IFITM5: variants seen among roughly 807,000 people sequenced by gnomAD.
The protein encoded by IFITM5 is interferon induced transmembrane protein 5.
Under a neutral mutation model 9.2 loss-of-function variants are expected in IFITM5, and 10 were observed. The ratio of observed to expected loss-of-function variants is 1.09; its 90% CI spans 0.67 to 1.85. IFITM5 has a LOEUF of 1.85. IFITM5 is among the 40% of genes most tolerant of loss of function. The pLI is 0.00. For synonymous variants in IFITM5, 93 were observed against 86.6 expected (o/e 1.07, Z -0.41); for missense variants, 225 against 182.6 (o/e 1.23, Z -1.34).
Position 298,531 on chromosome 11 carries a change from G to A in IFITM5, c.369C>T (p.Ser123=). 3 of 1,612,324 alleles carry A rather than the reference G, an allele frequency of 1.9e-6. No homozygotes were observed. Among genetic ancestry groups the A allele is most frequent in the Non-Finnish European group, 2.5e-6 (3 of 1,179,898 alleles). ...RLAKDSAAFF[S]TKFDDADYD ...CATAGTCCGCGTCATCAAACTTGGT[G>A]CTGAAGAAGGCGGCAGAGTCCTTGG... is the stretch of plus-strand genomic sequence containing the variant. The change falls in exon 2 of 2, where the codon AGC becomes AGT. Residue 123 remains serine, a synonymous_variant. Transcript: ENST00000382614.
At position 298,510 on chromosome 11, in the gene IFITM5, G is replaced by A. The variant is rs1845890384; in HGVS notation, c.390C>T (p.Asp130=). 1 of 1,610,984 alleles carries A rather than the reference G, an allele frequency of 6.2e-7. No individual in the cohort carries two copies. Among genetic ancestry groups the A allele is most frequent in the African/African-American group, 1.3e-5 (1 of 74,858 alleles). ...ATCAGGACCCAGCCTGTCAGTCATA[G>A]TCCGCGTCATCAAACTTGGTGCTGA... The part of the protein sequence containing the change: ...AFFSTKFDDA[D]YD The change falls in exon 2 of 2, where the codon GAC becomes GAT. Residue 130 remains aspartate, a synonymous_variant. Transcript: ENST00000382614.
At position 299,295 on chromosome 11, in the gene IFITM5, C is replaced by T. The variant is rs1285047087; in HGVS notation, c.186+10G>A. On this transcript the variant is annotated intron_variant, in intron 1 of 1. Coordinates refer to ENST00000382614, the MANE Select transcript of IFITM5 (RefSeq NM_001025295.3). ...GCCTCCCCCGCAACCTCGGTAGGGC[C>T]CCTGCCCACCTTGATGGAGTAGGCC... 7 of 1,579,542 alleles carry T rather than the reference C, an allele frequency of 4.4e-6. No homozygotes were observed. Among genetic ancestry groups the T allele is most frequent in the Non-Finnish European group, 6.0e-6 (7 of 1,163,668 alleles).
At position 298,651 on chromosome 11, in the gene IFITM5, C is replaced by A; in HGVS notation, c.249G>T (p.Lys83Asn). 1 of 1,613,660 alleles carries A rather than the reference C, an allele frequency of 6.2e-7. No homozygotes were observed. The highest frequency in any genetic ancestry group is 8.5e-7 in the Non-Finnish European group (1 of 1,180,000). The change falls in exon 2 of 2, where the codon AAG (lysine) becomes AAT (asparagine). Residue 83 changes from lysine (K) to asparagine (N), a missense_variant. Transcript: ENST00000382614. ...EAARRFGSKA[K>N]CYNILAAMWT... ...ACATCGCGGCCAGGATGTTGTAGCACTTGGCTTTGGAGCCAAAACGCCGGG... is the reference window on the plus strand; with the variant it reads ...ACATCGCGGCCAGGATGTTGTAGCAATTGGCTTTGGAGCCAAAACGCCGGG...
chr11:299,287 G>T lies in IFITM5; in HGVS notation c.186+18C>A. 1 of 1,553,792 alleles carries T rather than the reference G, an allele frequency of 6.4e-7. No homozygotes were observed. Among genetic ancestry groups the T allele is most frequent in the East Asian group, 2.5e-5 (1 of 40,650 alleles). On this transcript the variant is annotated intron_variant, in intron 1 of 1. Coordinates refer to ENST00000382614, the MANE Select transcript of IFITM5 (RefSeq NM_001025295.3). ...GTAGTGGAGCCTCCCCCGCAACCTC[G>T]GTAGGGCCCCTGCCCACCTTGATGG... is the stretch of plus-strand genomic sequence containing the variant.
rs1202397723 is a variant in IFITM5 at position 299,434 on chromosome 11, AC to A, written c.56del (p.Gly19ValfsTer19). ...CCCCCAGTGTGAGGGCTGTGTGGGC[AC>A]CGGCCTTGCTGGGCGTGGGGGCCCG... ...DTRAPTPSKAGAHTALTLGAP... is the reference protein window; with the variant it reads ...DTRAPTPSKAXAHTALTLGAP... On this transcript the variant is annotated frameshift_variant, in exon 1 of 2. Coordinates refer to ENST00000382614, the MANE Select transcript of IFITM5 (RefSeq NM_001025295.3). LOFTEE classifies it high-confidence loss of function. 1 of 1,540,116 alleles carries A rather than the reference AC, an allele frequency of 6.5e-7. No homozygotes were observed. Among genetic ancestry groups the A allele is most frequent in the Admixed American group, 2.1e-5 (1 of 48,668 alleles).
Position 298,728 on chromosome 11 carries a change from G to T in IFITM5, c.187-15C>A. On this transcript the variant is annotated splice_polypyrimidine_tract_variant and intron_variant, in intron 1 of 1. Coordinates refer to ENST00000382614, the MANE Select transcript of IFITM5 (RefSeq NM_001025295.3). Reference sequence around the variant, plus strand: ...TGATCTCGGGCCTGCAGAGAGACCAGACCACAGGGCCAGATCTCTATGTGT... The same window carrying T: ...TGATCTCGGGCCTGCAGAGAGACCATACCACAGGGCCAGATCTCTATGTGT... The T allele has an allele frequency of 6.2e-7, 1 of 1,610,956 alleles. No individual in the cohort carries two copies. Among genetic ancestry groups the T allele is most frequent in the Non-Finnish European group, 8.5e-7 (1 of 1,178,512 alleles).
chr11:298,765 G>T, intron 1 of IFITM5, 52 bp from the exon 2 acceptor site: 1 of 1,526,622 alleles, frequency 6.6e-7, no homozygotes, highest in South Asian at 1.2e-5. Flanking sequence ...CTCGGGGCCT[G>T]GGGGCCCTTC....
chr11:299,021 C>T (rs1461717624), intron 1 of IFITM5, among the ~76,000 whole-genome samples: 1 of 152,104 alleles, frequency 6.6e-6, no homozygotes, highest in Non-Finnish European at 1.5e-5. Flanking sequence ...CATGTGAACC[C>T]CCTCTTGATT....
chr11:298,409 G>T lies in IFITM5; in HGVS notation c.*92C>A. The stretch of plus-strand genomic sequence containing the variant: ...AGGGATGGAGGCCCCACAGAAGGAG[G>T]GCCAGGCTCCGGGGAGTCAGTATTG... On this transcript the variant is annotated 3_prime_UTR_variant, in exon 2 of 2. Coordinates refer to ENST00000382614, the MANE Select transcript of IFITM5 (RefSeq NM_001025295.3). The T allele has an allele frequency of 7.3e-7, 1 of 1,372,168 alleles. No individual in the cohort carries two copies. Among genetic ancestry groups the T allele is most frequent in the Non-Finnish European group, 1.0e-6 (1 of 1,003,388 alleles). The allele number at this position is 1,372,168 out of a possible 1,614,324, so 85.0% of individuals were successfully genotyped here.
intron 1 of IFITM5, 140 bp from the exon 2 acceptor site, chr11:298,853 C>T: frequency 2.4e-6 from 2 of 835,784 alleles, no homozygotes; most frequent in Non-Finnish European, 3.7e-6. Flanking sequence ...TGAGGAGATA[C>T]TCCTTGGGGC....
rs369353788 is a variant in IFITM5 at position 298,602 on chromosome 11, G to A, written c.298C>T (p.Leu100Phe). The A allele has an allele frequency of 3.6e-5, 58 of 1,613,400 alleles. No homozygotes were observed. The highest frequency in any genetic ancestry group is 4.6e-5 in the Non-Finnish European group (54 of 1,180,008). Residue 100 changes from leucine to phenylalanine, a missense_variant, in exon 2 of 2, where the codon CTC becomes TTC. Transcript: ENST00000382614. Reference protein sequence around the residue: ...AMWTLVPPLLLLGLVVTGALH... With the variant: ...AMWTLVPPLLFLGLVVTGALH... Reference sequence around the variant, plus strand: ...GCACCAGTCACCACCAGCCCCAGGAGCAGCAGTGGCGGCACCAGCGTCCAC... The same window carrying A: ...GCACCAGTCACCACCAGCCCCAGGAACAGCAGTGGCGGCACCAGCGTCCAC...
Position 298,573 on chromosome 11 carries a change from C to G in IFITM5, c.327G>C (p.Leu109=), listed in dbSNP as rs1278994515. 2 of 1,613,360 alleles carry G rather than the reference C, an allele frequency of 1.2e-6. No homozygotes were observed. The highest frequency in any genetic ancestry group is 1.7e-6 in the Non-Finnish European group (2 of 1,180,006). The change falls in exon 2 of 2, where the codon CTG becomes CTC. Residue 109 remains leucine (L), a synonymous_variant. Transcript: ENST00000382614. ...LLLGLVVTGA[L]HLARLAKDSA... ...AGTCCTTGGCCAGCCGGGCCAGGTG[C>G]AGGGCACCAGTCACCACCAGCCCCA...
chr11:298,770 C>T, intron 1 of IFITM5, 57 bp from the exon 2 acceptor site: 1 of 1,500,426 alleles, frequency 6.7e-7, no homozygotes, highest in Non-Finnish European at 9.1e-7. Context: ...GGCCTGGGGG[C>T]CCTTCCCCAC....
chr11:299,247 C>T (rs1181060765), intron 1 of IFITM5, 58 bp downstream of exon 1: 2 of 1,403,728 alleles, frequency 1.4e-6, no homozygotes, highest in South Asian at 2.8e-5. Flanking sequence ...TCCCCCTTCC[C>T]CCCACCTTGA....
At position 298,468 on chromosome 11, in the gene IFITM5, T is replaced by A; in HGVS notation, c.*33A>T. The stretch of plus-strand genomic sequence containing the variant: ...GGGCAGCAGCCTGGGGTCAGTGTCC[T>A]GGGGCTAGTGCCCCAGATCAGGACC... On this transcript the variant is annotated 3_prime_UTR_variant, in exon 2 of 2. Coordinates refer to ENST00000382614, the MANE Select transcript of IFITM5 (RefSeq NM_001025295.3). The A allele has an allele frequency of 6.3e-7, 1 of 1,595,520 alleles. No individual in the cohort carries two copies. Among genetic ancestry groups the A allele is most frequent in the Non-Finnish European group, 8.5e-7 (1 of 1,172,120 alleles).
In IFITM5 at chr11:298,375, G is replaced by A. The variant is rs1845888911; in HGVS notation, c.*126C>T. On this transcript the variant is annotated 3_prime_UTR_variant, in exon 2 of 2. Transcript: ENST00000382614. Reference sequence around the variant, plus strand: ...TTGGGGCTGGAGGGCCCCAGGATCAGGATGGGGCAGGGATGGAGGCCCCAC... The same window carrying A: ...TTGGGGCTGGAGGGCCCCAGGATCAAGATGGGGCAGGGATGGAGGCCCCAC... The A allele has an allele frequency of 2.9e-6, 3 of 1,036,528 alleles. No individual in the cohort carries two copies. In the African/African-American group the frequency reaches 4.8e-5, roughly 17 times the overall value. The allele number at this position is 1,036,528 out of a possible 1,614,324, so 64.2% of individuals were successfully genotyped here. A position where few individuals can be genotyped will look rare whatever the true frequency, so the allele number is the denominator to read the frequency against.
Position 298,395 on chromosome 11 carries a change from C to G in IFITM5, c.*106G>C. On this transcript the variant is annotated 3_prime_UTR_variant, in exon 2 of 2. Transcript: ENST00000382614. ...GATCAGGATGGGGCAGGGATGGAGG[C>G]CCCACAGAAGGAGGGCCAGGCTCCG... 1 of 1,218,208 alleles carries G rather than the reference C, an allele frequency of 8.2e-7. No homozygotes were observed. The highest frequency in any genetic ancestry group is 1.1e-6 in the Non-Finnish European group (1 of 871,014). The allele number at this position is 1,218,208 out of a possible 1,614,324, so 75.5% of individuals were successfully genotyped here.
chr11:299,498 A>C lies in IFITM5; in HGVS notation c.-8T>G. 6.8e-7 allele frequency: 1 copy of C among 1,462,220 alleles called. No homozygotes were observed. The highest frequency in any genetic ancestry group is 9.0e-7 in the Non-Finnish European group (1 of 1,105,684). The allele number at this position is 1,462,220 out of a possible 1,614,324, so 90.6% of individuals were successfully genotyped here. On this transcript the variant is annotated 5_prime_UTR_variant, in exon 1 of 2. Transcript: ENST00000382614. ...GGGATACGCCGTGTCCATGGGTTCC[A>C]GCGCCGTCTCTTCCACACTCAGACT... is the stretch of plus-strand genomic sequence containing the variant.
chr11:299,193 C>A, intron 1 of IFITM5, 112 bp downstream of exon 1: 2 of 856,692 alleles, frequency 2.3e-6, no homozygotes, highest in Non-Finnish European at 3.5e-6. Context: ...GAGCCCCCCG[C>A]GGCCCCCAGC....
Sources: gnomAD v4.1 joint callset for allele counts (sites outside exome capture counted in the v4.1 genomes callset) on GRCh38, gnomAD v4.1.1 for gene constraint, MANE v1.5 for transcripts, NCBI Gene and HGNC (gene_info 2026-07-23, HGNC 2026-07-21) for gene names.